MACROD2: variants seen among roughly 807,000 people sequenced by gnomAD.
The protein encoded by MACROD2 is ADP-ribose glycohydrolase MACROD2.
A neutral mutation model predicts 70.4 loss-of-function variants in MACROD2; 36 were observed. The ratio of observed to expected loss-of-function variants is 0.51; its 90% CI spans 0.39 to 0.68. The LOEUF (loss-of-function observed/expected upper bound fraction) is 0.68. Among genes scored for constraint, MACROD2 ranks in the 30% least tolerant of loss-of-function variants. MACROD2 has a pLI of 0.00. For missense variants in MACROD2, 496 were observed against 538.4 expected (o/e 0.92, Z 0.78); for synonymous variants, 172 against 178.8 (o/e 0.96, Z 0.30).
intron 8 of MACROD2, among the ~76,000 whole-genome samples, chr20:15,807,869 A>G (rs1600924316): frequency 6.6e-6 from 1 of 152,128 alleles, no homozygotes; most frequent in Admixed American, 6.5e-5. Flanking sequence ...GCCTCCAAAG[A>G]AAGAAGAAGT....
At chr20:14,284,950 G>A (rs1292893833) in intron 3 of MACROD2, among the ~76,000 whole-genome samples, 2 of 152,060 alleles carry the variant, frequency 1.3e-5, no homozygotes, top group African/African-American at 2.4e-5. Context: ...GCTTGTTTAT[G>A]GATTGATTGT....
chr20:14,598,912 C>G (rs1230500501), intron 4 of MACROD2, among the ~76,000 whole-genome samples: 2 of 151,982 alleles, frequency 1.3e-5, no homozygotes, highest in Non-Finnish European at 2.9e-5. Context: ...CGAAGCACAT[C>G]TTAATTATCT....
intron 15 of MACROD2, 88 bp from the exon 16 acceptor site, chr20:16,041,113 A>C: frequency 9.0e-7 from 1 of 1,108,708 alleles, no homozygotes; most frequent in South Asian, 1.4e-5. Flanking sequence ...TTGAATTTAA[A>C]AGGGCAATGG....
At chr20:15,238,678 A>G (rs2077035118) in intron 6 of MACROD2, among the ~76,000 whole-genome samples, 1 of 152,164 alleles carries the variant, frequency 6.6e-6, no homozygotes, top group African/African-American at 2.4e-5. Flanking sequence ...TATTTCATCT[A>G]CAATTTGAAA....
At chr20:14,947,904 TC>T in intron 5 of MACROD2, among the ~76,000 whole-genome samples, 1 of 152,304 alleles carries the variant, frequency 6.6e-6, no homozygotes, top group African/African-American at 2.4e-5. Flanking sequence ...CCAGTGTTTA[TC>T]AAGTACAACA....
intron 5 of MACROD2, among the ~76,000 whole-genome samples, chr20:15,139,629 GA>G (rs893100733): frequency 3.8e-4 from 57 of 151,212 alleles, no homozygotes; most frequent in Middle Eastern, 3.4e-3. Context: ...TGTATTGGGA[GA>G]AAAAAAAATC....
chr20:15,811,256 C>T (rs2063818639), intron 8 of MACROD2, among the ~76,000 whole-genome samples: 2 of 151,476 alleles, frequency 1.3e-5, no homozygotes, highest in South Asian at 2.1e-4. Context: ...AAACAAACAA[C>T]CCCATCAAAA....
intron 5 of MACROD2, among the ~76,000 whole-genome samples, chr20:15,048,098 T>TAGTA (rs1398500893): frequency 1.8e-5 from 2 of 114,222 alleles, no homozygotes; most frequent in Non-Finnish European, 2.1e-5. Context: ...ACCCTGTCTC[T>TAGTA]AGTAAATAAA....
chr20:14,067,334 G>C (rs1240571102), intron 2 of MACROD2, among the ~76,000 whole-genome samples: 1 of 151,934 alleles, frequency 6.6e-6, no homozygotes, highest in Non-Finnish European at 1.5e-5. Context: ...TGTTGGCCAG[G>C]ATGGTCTTGA....
chr20:15,072,363 C>A (rs1415565768), intron 5 of MACROD2, among the ~76,000 whole-genome samples: 1 of 152,110 alleles, frequency 6.6e-6, no homozygotes, highest in Non-Finnish European at 1.5e-5. Flanking sequence ...TAAAGACAGA[C>A]AGGATAATTC....
intron 8 of MACROD2, among the ~76,000 whole-genome samples, chr20:15,789,577 T>C (rs186159892): frequency 9.2e-4 from 140 of 151,806 alleles, no homozygotes; most frequent in African/African-American, 3.4e-3. Flanking sequence ...GACTATTGAG[T>C]ATCTAAGAAA....
rs754477468 is a variant in MACROD2 at position 14,818,825 on chromosome 20, G to GTTTTTTTTT, written c.418+133884_418+133892dup. On this transcript the variant is annotated intron_variant, in intron 5 of 17. Coordinates refer to ENST00000684519, the MANE Select transcript of MACROD2 (RefSeq NM_001351661.2). Reference sequence around the variant, plus strand: ...GATTGTTTTTGTTTCTCTTCCTTAGGTTTTTTTTTTTTTTTTTTTTTTTTT... The same window carrying GTTTTTTTTT: ...GATTGTTTTTGTTTCTCTTCCTTAGGTTTTTTTTTTTTTTTTTTTTTTTTTTTTTTTTTT... Among the ~76,000 whole-genome samples, 5 of 78,380 alleles carry GTTTTTTTTT rather than the reference G, an allele frequency of 6.4e-5. 1 individual carries two copies. The highest frequency in any genetic ancestry group is 2.7e-4 in the African/African-American group (5 of 18,598). The allele number at this position is 78,380 out of a possible 152,430, so 51.4% of individuals were successfully genotyped here.
At chr20:15,606,490 C>T (rs1318443192) in intron 8 of MACROD2, among the ~76,000 whole-genome samples, 2 of 152,158 alleles carry the variant, frequency 1.3e-5, no homozygotes, top group Non-Finnish European at 2.9e-5. Flanking sequence ...TTTAACCCTC[C>T]AAGGCCTCCT....
At chr20:14,634,449 G>A (rs764625878) in intron 4 of MACROD2, among the ~76,000 whole-genome samples, 3 of 152,116 alleles carry the variant, frequency 2.0e-5, no homozygotes, top group Non-Finnish European at 4.4e-5. Flanking sequence ...TCCTTTCCAT[G>A]TGCTTCTTTG....
intron 3 of MACROD2, among the ~76,000 whole-genome samples, chr20:14,256,082 A>G (rs1489559223): frequency 6.6e-6 from 1 of 151,980 alleles, no homozygotes; most frequent in Non-Finnish European, 1.5e-5. Flanking sequence ...CTTTTTTCCT[A>G]AGGGTCTCTT....
intron 8 of MACROD2, chr20:15,552,342 A>G (rs2146590212): frequency 6.6e-6 from 1 of 152,276 alleles, no homozygotes; most frequent in Middle Eastern, 3.4e-3. Context: ...GTCATCACCA[A>G]ACTAGATCTG....
intron 3 of MACROD2, among the ~76,000 whole-genome samples, chr20:14,304,333 A>G (rs2082501593): frequency 6.6e-6 from 1 of 152,178 alleles, no homozygotes; most frequent in South Asian, 2.1e-4. Flanking sequence ...TGTGTGGATT[A>G]TACTTTCCCA....
intron 5 of MACROD2, among the ~76,000 whole-genome samples, chr20:15,135,243 C>T (rs959177707): frequency 2.8e-4 from 42 of 150,710 alleles, no homozygotes; most frequent in African/African-American, 8.5e-4. Flanking sequence ...ATACCAAAGC[C>T]GGGCAGAGAC....
At chr20:15,451,806 G>A (rs1419694684) in intron 7 of MACROD2, among the ~76,000 whole-genome samples, 1 of 152,164 alleles carries the variant, frequency 6.6e-6, no homozygotes, top group Admixed American at 6.5e-5. Flanking sequence ...CAAACTGCTC[G>A]CTCTGCATCT....
Sources: allele counts gnomAD v4.1 joint callset (sites outside exome capture counted in the v4.1 genomes callset), GRCh38; gene constraint gnomAD v4.1.1; transcripts MANE v1.5; gene names NCBI Gene and HGNC (gene_info 2026-07-23, HGNC 2026-07-21).